MAGI1: variants seen among roughly 807,000 people sequenced by gnomAD.
MAGI1 encodes membrane-associated guanylate kinase, WW and PDZ domain-containing protein 1.
In MAGI1, 58 loss-of-function variants were observed where a neutral mutation model predicts 139.9. The ratio of observed to expected loss-of-function variants is 0.41; its 90% CI spans 0.34 to 0.52. The LOEUF (loss-of-function observed/expected upper bound fraction) is 0.52. Ranked by LOEUF, MAGI1 falls within the 20% of genes least tolerant of loss-of-function variation. The probability of loss-of-function intolerance (pLI) is 0.12; values close to 1 mark genes in which losing one functional copy is unlikely to be tolerated. For missense variants in MAGI1, 1,874 were observed against 1,901.6 expected (o/e 0.99, Z 0.27); for synonymous variants, 812 against 737.9 (o/e 1.10, Z -1.63).
intron 14 of MAGI1, chr3:65,387,240 T>A: frequency 6.2e-7 from 1 of 1,606,710 alleles, no homozygotes; most frequent in Non-Finnish European, 8.5e-7. Context: ...GAATATTAAT[T>A]TCACAATTTT....
chr3:65,556,295 T>C (rs1276681112), intron 2 of MAGI1, among the ~76,000 whole-genome samples: 1 of 152,244 alleles, frequency 6.6e-6, no homozygotes, highest in African/African-American at 2.4e-5. Flanking sequence ...AAACCAAATT[T>C]GTCATATGGC....
intron 1 of MAGI1, among the ~76,000 whole-genome samples, chr3:65,631,716 G>A (rs1183136429): frequency 2.0e-5 from 3 of 152,116 alleles, no homozygotes; most frequent in Non-Finnish European, 4.4e-5. Context: ...TGAGTTTCAT[G>A]TTAATAGACA....
intron 1 of MAGI1, among the ~76,000 whole-genome samples, chr3:66,027,009 C>T (rs2068306792): frequency 6.6e-6 from 1 of 151,648 alleles, no homozygotes; most frequent in South Asian, 2.1e-4. Flanking sequence ...GTGGCTCACA[C>T]TTGTAATCCC....
At chr3:65,861,107 G>T (rs530614789) in intron 1 of MAGI1, among the ~76,000 whole-genome samples, 1 of 152,046 alleles carries the variant, frequency 6.6e-6, no homozygotes, top group Non-Finnish European at 1.5e-5. Context: ...ATGGGGCCAG[G>T]GACACACTCA....
At chr3:65,451,007 T>C (rs1030634797) in intron 6 of MAGI1, among the ~76,000 whole-genome samples, 30 of 152,294 alleles carry the variant, frequency 2.0e-4, no homozygotes, top group African/African-American at 6.7e-4. Flanking sequence ...CAGATATACA[T>C]AGAATTTCTA....
chr3:65,588,117 C>T (rs943991174), intron 2 of MAGI1, among the ~76,000 whole-genome samples: 2 of 152,146 alleles, frequency 1.3e-5, no homozygotes. Flanking sequence ...ATATTACAAG[C>T]AATTCAAAGC....
At chr3:65,970,265 A>G (rs1394965202) in intron 1 of MAGI1, among the ~76,000 whole-genome samples, 1 of 152,208 alleles carries the variant, frequency 6.6e-6, no homozygotes, top group Admixed American at 6.5e-5. Context: ...CTATGAGTCC[A>G]CTTATATGAG....
intron 1 of MAGI1, among the ~76,000 whole-genome samples, chr3:65,988,017 C>T (rs4688624): frequency 0.75 from 113,576 of 152,254 alleles, 43,194 homozygotes; most frequent in East Asian, 0.95. Context: ...AATCTGAAAA[C>T]GGGTTGAAGA....
intron 1 of MAGI1, among the ~76,000 whole-genome samples, chr3:65,748,618 A>T (rs1180486161): frequency 6.6e-6 from 1 of 152,216 alleles, no homozygotes; most frequent in Admixed American, 6.5e-5. Flanking sequence ...TTAAACACCT[A>T]CTGTGTGCCA....
intron 1 of MAGI1, among the ~76,000 whole-genome samples, chr3:65,831,917 T>G (rs556286722): frequency 6.6e-6 from 1 of 152,330 alleles, no homozygotes; most frequent in Admixed American, 6.5e-5. Context: ...ATTCACATAC[T>G]TTACCCATTC....
intron 1 of MAGI1, among the ~76,000 whole-genome samples, chr3:65,673,370 C>T (rs145449245): frequency 2.2e-4 from 33 of 152,166 alleles, no homozygotes; most frequent in African/African-American, 7.5e-4. Context: ...ACCAGAGTAA[C>T]CTGTGTCTGT....
At chr3:65,971,754 C>A (rs1437980346) in intron 1 of MAGI1, among the ~76,000 whole-genome samples, 1 of 152,154 alleles carries the variant, frequency 6.6e-6, no homozygotes, top group Non-Finnish European at 1.5e-5. Flanking sequence ...CTCCCAGCTT[C>A]CTGCCTGACA....
At chr3:65,675,154 C>T (rs1207233799) in intron 1 of MAGI1, among the ~76,000 whole-genome samples, 1 of 152,110 alleles carries the variant, frequency 6.6e-6, no homozygotes, top group Non-Finnish European at 1.5e-5. Context: ...TGTGTGGGCA[C>T]TGAGATTCAT....
At chr3:65,532,156 C>A (rs975107938) in intron 2 of MAGI1, among the ~76,000 whole-genome samples, 1 of 152,164 alleles carries the variant, frequency 6.6e-6, no homozygotes, top group African/African-American at 2.4e-5. Context: ...ATCATCTTAT[C>A]TTTTACTCCA....
chr3:65,794,463 CA>C (rs1197454596), intron 1 of MAGI1, among the ~76,000 whole-genome samples: 1 of 152,276 alleles, frequency 6.6e-6, no homozygotes, highest in East Asian at 1.9e-4. Context: ...AGCCCCCACC[CA>C]TAACGCAGCC....
intron 1 of MAGI1, among the ~76,000 whole-genome samples, chr3:65,962,484 T>C (rs1264636288): frequency 6.6e-6 from 1 of 152,166 alleles, no homozygotes; most frequent in African/African-American, 2.4e-5. Flanking sequence ...ACAAATGTAC[T>C]TTCCAACTTG....
At chr3:65,856,424 C>A (rs1436630798) in intron 1 of MAGI1, among the ~76,000 whole-genome samples, 1 of 146,470 alleles carries the variant, frequency 6.8e-6, no homozygotes, top group East Asian at 1.9e-4. Flanking sequence ...GATGGTGACA[C>A]TCAATGTCCT....
At chr3:65,529,274 A>C (rs910164129) in intron 2 of MAGI1, among the ~76,000 whole-genome samples, 1 of 152,200 alleles carries the variant, frequency 6.6e-6, no homozygotes, top group Non-Finnish European at 1.5e-5. Context: ...GTGACAGTAC[A>C]TTCATAATGT....
At chr3:65,858,977 G>C (rs1427406289) in intron 1 of MAGI1, among the ~76,000 whole-genome samples, 1 of 152,190 alleles carries the variant, frequency 6.6e-6, no homozygotes, top group Non-Finnish European at 1.5e-5. Flanking sequence ...GGAGGGATGA[G>C]AAGAAGGAAT....
Sources: allele counts gnomAD v4.1 joint callset (sites outside exome capture counted in the v4.1 genomes callset), GRCh38; gene constraint gnomAD v4.1.1; transcripts MANE v1.5; gene names NCBI Gene and HGNC (gene_info 2026-07-23, HGNC 2026-07-21).